The following PCDH7 variants were observed in gnomAD, a reference collection of about 807,000 sequenced individuals.
The protein encoded by PCDH7 is protocadherin 7.
In PCDH7, 17 loss-of-function variants were observed where a neutral mutation model predicts 58.9. That is an observed-to-expected ratio of 0.29 (90% CI 0.20 to 0.43). The LOEUF (loss-of-function observed/expected upper bound fraction) is 0.43, where lower values mean the gene tolerates loss of function less well. Ranked by LOEUF, PCDH7 falls within the 20% of genes least tolerant of loss-of-function variation. The pLI, the probability that PCDH7 is intolerant of heterozygous loss-of-function variation, is 1.00. For missense variants in PCDH7, 1,274 were observed against 1,441.0 expected (o/e 0.88, Z 1.88); for synonymous variants, 664 against 616.4 (o/e 1.08, Z -1.14).
At chr4:30,806,945 G>A (rs951998993) in intron 1 of PCDH7, among the ~76,000 whole-genome samples, 7 of 151,726 alleles carry the variant, frequency 4.6e-5, no homozygotes, top group Non-Finnish European at 8.8e-5. Context: ...TTTTATTTTT[G>A]TGTATACTTT....
intron 1 of PCDH7, among the ~76,000 whole-genome samples, chr4:30,881,751 T>C (rs569065011): frequency 2.6e-5 from 4 of 152,208 alleles, no homozygotes; most frequent in Non-Finnish European, 5.9e-5. Context: ...AATCTTCCTT[T>C]ATGTGACTTG....
chr4:30,721,351 G>A lies in PCDH7; in HGVS notation c.-72G>A, dbSNP rs1713487841. 2.2e-6 allele frequency: 3 copies of A among 1,379,162 alleles called. No individual in the cohort carries two copies. In the African/African-American group the frequency reaches 4.4e-5, roughly 20 times the overall value. The allele number at this position is 1,379,162 out of a possible 1,614,324, so 85.4% of individuals were successfully genotyped here. On this transcript the variant is annotated 5_prime_UTR_variant, in exon 1 of 2. Coordinates refer to ENST00000361762, the Ensembl canonical transcript of PCDH7. This position sits in a 1 kb window ranked among gnomAD's most constrained non-coding sequence, Gnocchi z 6.7. ...GAGAGGACTCGGGGGAGGGCAGGCG[G>A]CCGGCCCCGGAGGAGGGGGGCGCCG...
At chr4:31,104,220 C>A in intron 3 of PCDH7, among the ~76,000 whole-genome samples, 1 of 152,116 alleles carries the variant, frequency 6.6e-6, no homozygotes, top group East Asian at 1.9e-4. Flanking sequence ...TATTTTTCTA[C>A]CACCATAGCA....
intron 3 of PCDH7, among the ~76,000 whole-genome samples, chr4:31,006,797 CAGG>C (rs1244000205): frequency 2.0e-5 from 3 of 150,982 alleles, no homozygotes; most frequent in Non-Finnish European, 1.5e-5. Flanking sequence ...GAGGCTGAGG[CAGG>C]AGAATAGCTT....
At chr4:30,753,705 T>A (rs1718874266) in intron 1 of PCDH7, among the ~76,000 whole-genome samples, 1 of 152,212 alleles carries the variant, frequency 6.6e-6, no homozygotes. Flanking sequence ...CTTATTCTTG[T>A]GAAGCTTACC....
chr4:31,006,261 A>G (rs531495625), intron 3 of PCDH7, among the ~76,000 whole-genome samples: 6 of 152,306 alleles, frequency 3.9e-5, no homozygotes, highest in African/African-American at 1.4e-4. Context: ...ATATTCAGAT[A>G]TATGTTTTCC....
At chr4:31,045,334 G>A (rs890465261) in intron 3 of PCDH7, among the ~76,000 whole-genome samples, 1 of 151,804 alleles carries the variant, frequency 6.6e-6, no homozygotes, top group Non-Finnish European at 1.5e-5. Flanking sequence ...TTTGATATCA[G>A]GTTTCAGGAA....
intron 3 of PCDH7, among the ~76,000 whole-genome samples, chr4:31,017,303 T>A (rs1160713659): frequency 6.6e-6 from 1 of 151,838 alleles, no homozygotes; most frequent in Non-Finnish European, 1.5e-5. Context: ...TTATTCTTAT[T>A]TTTTTAAAAA....
intron 1 of PCDH7, among the ~76,000 whole-genome samples, chr4:30,843,686 T>G (rs1731530740): frequency 6.6e-6 from 1 of 152,176 alleles, no homozygotes; most frequent in South Asian, 2.1e-4. Flanking sequence ...AAACTTGCTC[T>G]TGCACTACCT....
At chr4:31,132,044 A>G (rs1476499986) in intron 3 of PCDH7, among the ~76,000 whole-genome samples, 1 of 152,186 alleles carries the variant, frequency 6.6e-6, no homozygotes, top group Non-Finnish European at 1.5e-5. Flanking sequence ...AGAAAATAAC[A>G]CATGGAAATA....
chr4:31,011,029 C>T (rs1258664382), intron 3 of PCDH7, among the ~76,000 whole-genome samples: 2 of 151,804 alleles, frequency 1.3e-5, no homozygotes, highest in Non-Finnish European at 2.9e-5. Flanking sequence ...TTTCTTGGAC[C>T]TGCATGAAAA....
chr4:31,056,448 AAG>A (rs764317582), intron 3 of PCDH7, among the ~76,000 whole-genome samples: 27 of 36,402 alleles, frequency 7.4e-4, no homozygotes, highest in East Asian at 6.1e-3. Flanking sequence ...GAAGGAAAGA[AAG>A]AAAGAAAGAA....
At chr4:31,128,950 C>T (rs898795697) in intron 3 of PCDH7, among the ~76,000 whole-genome samples, 1 of 152,180 alleles carries the variant, frequency 6.6e-6, no homozygotes, top group Non-Finnish European at 1.5e-5. Flanking sequence ...AGCCACATTG[C>T]TTTCTCAGCT....
intron 1 of PCDH7, among the ~76,000 whole-genome samples, chr4:30,839,053 A>G (rs1021820223): frequency 2.0e-5 from 3 of 151,948 alleles, no homozygotes; most frequent in African/African-American, 7.2e-5. Context: ...GGCATCCTGA[A>G]TTTATAATAT....
chr4:30,725,171 C>T lies in PCDH7; in HGVS notation c.3174+575C>T, dbSNP rs187321720. 667 of 999,778 alleles carry T rather than the reference C, an allele frequency of 6.7e-4. 7 individuals carry two copies. In the African/African-American group the frequency reaches 9.1e-3, roughly 14 times the overall value. 61.9% of individuals were successfully genotyped at this position (999,778 alleles called of 1,614,324 possible). A position where few individuals can be genotyped will look rare whatever the true frequency, so the allele number is the denominator to read the frequency against. On this transcript the variant is annotated intron_variant, in intron 1 of 1. Transcript: ENST00000361762. The stretch of plus-strand genomic sequence containing the variant: ...GAAACTGCTGGTTTAAAAATATTTA[C>T]TGATATGCAAATGTCATGCAAAACT...
intron 1 of PCDH7, among the ~76,000 whole-genome samples, chr4:30,904,984 A>G (rs1740733419): frequency 6.6e-6 from 1 of 152,194 alleles, no homozygotes; most frequent in African/African-American, 2.4e-5. Flanking sequence ...GAATATGAAA[A>G]CCCAAGGATT....
At chr4:31,096,053 AG>A (rs1018993409) in intron 3 of PCDH7, among the ~76,000 whole-genome samples, 4 of 152,154 alleles carry the variant, frequency 2.6e-5, no homozygotes, top group Admixed American at 1.3e-4. Context: ...ACCCCTAATA[AG>A]TGCTTAAGTG....
chr4:30,996,165 C>T (rs1377053206), intron 3 of PCDH7, among the ~76,000 whole-genome samples: 1 of 152,064 alleles, frequency 6.6e-6, no homozygotes, highest in African/African-American at 2.4e-5. Flanking sequence ...AGACTTTTTC[C>T]TTTGTTTCCC....
chr4:31,142,814 G>T, exon 4 of PCDH7: 2 of 1,366,410 alleles, frequency 1.5e-6, no homozygotes, highest in Non-Finnish European at 2.0e-6. Flanking sequence ...GCCATCTCCT[G>T]TCAATACTCT....
Sources: gnomAD v4.1 joint callset for allele counts (sites outside exome capture counted in the v4.1 genomes callset) on GRCh38, gnomAD v4.1.1 for gene constraint, Gnocchi (gnomAD v3.1) non-coding constraint, MANE v1.5 for transcripts, NCBI Gene and HGNC (gene_info 2026-07-23, HGNC 2026-07-21) for gene names.